GLT1D1: variants seen among roughly 807,000 people sequenced by gnomAD.
The protein encoded by GLT1D1 is glycosyltransferase 1 domain containing 1.
Under a neutral mutation model 28.7 loss-of-function variants are expected in GLT1D1, and 21 were observed. The ratio of observed to expected loss-of-function variants is 0.73; its 90% confidence interval spans 0.52 to 1.05. GLT1D1 has a LOEUF of 1.05. Among genes scored for constraint, GLT1D1 ranks in the 50% least tolerant of loss-of-function variants. The probability of loss-of-function intolerance (pLI) is 0.00; values close to 1 mark genes in which losing one functional copy is unlikely to be tolerated. For synonymous variants in GLT1D1, 147 were observed against 124.8 expected (o/e 1.18, Z -1.19); for missense variants, 343 against 330.6 (o/e 1.04, Z -0.29).
At chr12:128,863,690 T>G (rs111843783) in intron 1 of GLT1D1, among the ~76,000 whole-genome samples, 2,049 of 152,166 alleles carry the variant, frequency 0.013, 32 homozygotes, top group African/African-American at 0.047. Flanking sequence ...GGATAATTTC[T>G]TTATGGTCAG....
At position 128,983,259 on chromosome 12, in the gene GLT1D1, T is replaced by G; in HGVS notation, c.*169T>G. ...CCAGAGCCACTGCATTCATCCCATA[T>G]CCTTCTGTGCGTTCAGATGCTGTCC... On this transcript the variant is annotated 3_prime_UTR_variant, in exon 8 of 8. Transcript: ENST00000281703. The surrounding 1 kb of genome is among the most constrained non-coding windows in gnomAD (Gnocchi z 4.7). The G allele has an allele frequency of 1.6e-6, 1 of 612,106 alleles. No homozygotes were observed. The highest frequency in any genetic ancestry group is 2.8e-5 in the East Asian group (1 of 35,954). 37.9% of individuals were successfully genotyped at this position (612,106 alleles called of 1,614,324 possible).
intron 4 of GLT1D1, 97 bp from the exon 5 acceptor site, chr12:128,912,327 G>T: frequency 1.4e-6 from 1 of 695,854 alleles, no homozygotes; most frequent in East Asian, 2.8e-5. Flanking sequence ...TTTCCAGGAC[G>T]GCTTTTTTTG....
intron 4 of GLT1D1, among the ~76,000 whole-genome samples, chr12:128,932,548 T>G (rs189274778): frequency 6.6e-6 from 1 of 152,216 alleles, no homozygotes; most frequent in Non-Finnish European, 1.5e-5. Context: ...CGAGGCACTT[T>G]GCTGTCTATA....
At chr12:128,918,610 A>G (rs1333289568) in intron 4 of GLT1D1, among the ~76,000 whole-genome samples, 3 of 152,344 alleles carry the variant, frequency 2.0e-5, no homozygotes, top group Middle Eastern at 3.4e-3. Flanking sequence ...GTATTCATCA[A>G]TCTCAGCCAC....
At chr12:128,959,461 T>A (rs1017890822) in intron 7 of GLT1D1, among the ~76,000 whole-genome samples, 9 of 8,274 alleles carry the variant, frequency 1.1e-3, no homozygotes, top group South Asian at 4.8e-3. Flanking sequence ...CGGCGGGTGG[T>A]GGGGGGGCAG....
At chr12:128,973,589 TG>T (rs773175790) in intron 7 of GLT1D1, among the ~76,000 whole-genome samples, 2 of 151,990 alleles carry the variant, frequency 1.3e-5, no homozygotes, top group Non-Finnish European at 2.9e-5. Context: ...AACTTCCTCC[TG>T]CTCTAACCCG....
chr12:128,873,135 A>G (rs1271735232), intron 1 of GLT1D1, among the ~76,000 whole-genome samples: 1 of 152,038 alleles, frequency 6.6e-6, no homozygotes, highest in African/African-American at 2.4e-5. Context: ...AGCCCAAATG[A>G]TCCTCCGACC....
Position 128,888,755 on chromosome 12 carries a change from C to T in GLT1D1, c.323+11C>T, listed in dbSNP as rs377080982. Reference sequence around the variant, plus strand: ...TCTTGAGGAAGCCAGGTAATACCTGCGAGAATTTCATCCATGCCAAACATT... The same window carrying T: ...TCTTGAGGAAGCCAGGTAATACCTGTGAGAATTTCATCCATGCCAAACATT... On this transcript the variant is annotated intron_variant, in intron 3 of 7. Coordinates refer to ENST00000281703, the MANE Select transcript of GLT1D1 (RefSeq NM_144669.3). The T allele has an allele frequency of 1.5e-4, 226 of 1,521,154 alleles. No homozygotes were observed. In the East Asian group the frequency reaches 2.6e-3, roughly 17 times the overall value. The allele number at this position is 1,521,154 out of a possible 1,614,324, so 94.2% of individuals were successfully genotyped here.
intron 5 of GLT1D1, 46 bp from the exon 10 acceptor site, chr12:128,947,292 A>G (rs750628963): frequency 5.0e-6 from 8 of 1,611,960 alleles, no homozygotes; most frequent in South Asian, 3.3e-5. Context: ...CTGCCTACCC[A>G]TGAGATTCTT....
intron 7 of GLT1D1, among the ~76,000 whole-genome samples, chr12:128,964,064 G>A (rs1192068851): frequency 6.6e-6 from 1 of 152,194 alleles, no homozygotes; most frequent in Non-Finnish European, 1.5e-5. Context: ...TGGTGGAAGG[G>A]CCGAGACAGC....
intron 3 of GLT1D1, 73 bp downstream of exon 3, chr12:128,888,817 C>A: frequency 1.0e-6 from 1 of 983,622 alleles, no homozygotes; most frequent in Non-Finnish European, 1.6e-6. Context: ...AACCAAAGAC[C>A]GAGGGCACCA....
chr12:128,981,997 T>C (rs972851655), intron 7 of GLT1D1, among the ~76,000 whole-genome samples: 2 of 152,180 alleles, frequency 1.3e-5, no homozygotes, highest in Admixed American at 6.5e-5. Context: ...CTCCTCTCCC[T>C]GAATACCCTT....
chr12:128,856,632 C>T (rs1956231602), intron 1 of GLT1D1, among the ~76,000 whole-genome samples: 1 of 152,122 alleles, frequency 6.6e-6, no homozygotes, highest in Non-Finnish European at 1.5e-5. Context: ...AGCAGAAAGG[C>T]AGCCAGGGTC....
intron 2 of GLT1D1, among the ~76,000 whole-genome samples, chr12:128,880,712 T>C (rs1957012021): frequency 6.6e-6 from 1 of 152,178 alleles, no homozygotes; most frequent in Non-Finnish European, 1.5e-5. Flanking sequence ...TAAACTGTAT[T>C]TAAAAATATA....
Position 128,914,919 on chromosome 12 carries a change from T to C in GLT1D1, c.375+15632T>C, listed in dbSNP as rs1436524090. 1 of 1,535,634 alleles carries C rather than the reference T, an allele frequency of 6.5e-7. No homozygotes were observed. The highest frequency in any genetic ancestry group is 2.0e-5 in the Admixed American group (1 of 50,990). ...TCAAAGTGAACTTGCCCTTTTTTTG[T>C]TTCTTTGACCCAGGAATTGCAACAA... On this transcript the variant is annotated intron_variant, in intron 4 of 7. Transcript: ENST00000281703.
chr12:128,926,517 A>C, intron 4 of GLT1D1, 63 bp downstream of exon 7: 1 of 834,036 alleles, frequency 1.2e-6, no homozygotes, highest in Non-Finnish European at 1.9e-6. Context: ...CCATCTCAGC[A>C]TTTCTCTCTT....
At chr12:128,926,426 T>A (rs1873226626) in intron 4 of GLT1D1, 1 of 1,528,900 alleles carries the variant, frequency 6.5e-7, no homozygotes, top group African/African-American at 1.4e-5. Flanking sequence ...AAGTTAAGGA[T>A]CCTCTCTATC....
At chr12:128,947,298 T>A (rs1876226983) in intron 5 of GLT1D1, 40 bp from the exon 10 acceptor site, 1 of 1,611,974 alleles carries the variant, frequency 6.2e-7, no homozygotes, top group African/African-American at 1.3e-5. Flanking sequence ...ACCCATGAGA[T>A]TCTTGGAATC....
chr12:128,952,002 G>A (rs1338580520), intron 6 of GLT1D1, among the ~76,000 whole-genome samples: 1 of 152,114 alleles, frequency 6.6e-6, no homozygotes, highest in Non-Finnish European at 1.5e-5. Flanking sequence ...CCCGTGCACT[G>A]TGGACCATCA....
Sources: allele counts gnomAD v4.1 joint callset (sites outside exome capture counted in the v4.1 genomes callset), GRCh38; gene constraint gnomAD v4.1.1; non-coding constraint Gnocchi (gnomAD v3.1); transcripts MANE v1.5; gene names NCBI Gene and HGNC (gene_info 2026-07-23, HGNC 2026-07-21).